Variants in PTPRN2 observed in about 807,000 individuals in gnomAD.
PTPRN2 encodes receptor-type tyrosine-protein phosphatase N2.
In PTPRN2, 74 loss-of-function variants were observed where a neutral mutation model predicts 118.8. That is an observed-to-expected ratio of 0.62 (90% CI 0.52 to 0.76). The LOEUF (loss-of-function observed/expected upper bound fraction) is 0.76. Ranked by LOEUF, PTPRN2 falls within the 30% of genes least tolerant of loss-of-function variation. The pLI is 0.00. For synonymous variants in PTPRN2, 641 were observed against 608.0 expected, an observed-to-expected ratio of 1.05 and a Z score of -0.80; for missense variants, 1,481 against 1,394.4, an observed-to-expected ratio of 1.06 and a Z score of -0.99.
chr7:157,586,767 C>A lies in PTPRN2; in HGVS notation c.2496+8471G>T, dbSNP rs62476775. Among the ~76,000 whole-genome samples, 264 of 152,322 alleles carry A rather than the reference C, an allele frequency of 1.7e-3. 1 individual carries two copies. Among genetic ancestry groups the A allele is most frequent in the East Asian group, 0.01 (53 of 5,180 alleles). On this transcript the variant is annotated intron_variant, in intron 17 of 22. Transcript: ENST00000389418. ...GATGCTCAGGGTCCCCGCTGTTGGA[C>A]ACTCGGTCTGTCCGGGACACTCAGG...
chr7:157,662,651 T>C (rs1795948274), intron 13 of PTPRN2, among the ~76,000 whole-genome samples: 1 of 152,096 alleles, frequency 6.6e-6, no homozygotes, highest in Non-Finnish European at 1.5e-5. Flanking sequence ...GCATGGGGCC[T>C]GGAGGTGCGT....
Position 157,642,895 on chromosome 7 carries a change from A to G in PTPRN2, c.2196+13462T>C, listed in dbSNP as rs546635482. Reference sequence around the variant, plus strand: ...CAGTGGGTGCCATTTACCTAAGCCAATCGCCCCGGCAGCCAAAGGCCAAGC... The same window carrying G: ...CAGTGGGTGCCATTTACCTAAGCCAGTCGCCCCGGCAGCCAAAGGCCAAGC... On this transcript the variant is annotated intron_variant, in intron 14 of 22. Transcript: ENST00000389418. Among the ~76,000 whole-genome samples the G allele has an allele frequency of 4.0e-5, 6 of 150,294 alleles. No individual in the cohort carries two copies. In the South Asian group the frequency reaches 8.5e-4, roughly 21 times the overall value.
rs187669957 is a variant in PTPRN2 at position 158,432,275 on chromosome 7, G to T, written c.163+57460C>A. 2.9e-3 allele frequency among the ~76,000 whole-genome samples: 449 copies of T among 152,364 alleles called. 11 individuals carry two copies. The highest frequency in any genetic ancestry group is 0.028 in the Admixed American group (435 of 15,304). On this transcript the variant is annotated intron_variant, in intron 2 of 22. Transcript: ENST00000389418. The stretch of plus-strand genomic sequence containing the variant: ...TGAGGAGCGGCGGGGCCTTGAGCCA[G>T]GGCGAAAGCACCGGGCGCTCCAGGA...
At chr7:158,112,744 T>C (rs1446812015) in intron 9 of PTPRN2, among the ~76,000 whole-genome samples, 1 of 151,478 alleles carries the variant, frequency 6.6e-6, no homozygotes, top group Non-Finnish European at 1.5e-5. Flanking sequence ...GCATCCAGGC[T>C]GGGTGCTGAG....
At chr7:157,725,456 G>A (rs1360952708) in intron 12 of PTPRN2, among the ~76,000 whole-genome samples, 2 of 86,544 alleles carry the variant, frequency 2.3e-5, no homozygotes, top group East Asian at 2.7e-4. Context: ...ATATCCACAT[G>A]CAGAGGAGTG....
intron 12 of PTPRN2, among the ~76,000 whole-genome samples, chr7:157,796,388 C>T (rs759792738): frequency 6.6e-6 from 1 of 152,198 alleles, no homozygotes; most frequent in African/African-American, 2.4e-5. Context: ...CTCATCTACA[C>T]CCAATCCTAG....
intron 2 of PTPRN2, among the ~76,000 whole-genome samples, chr7:158,475,568 A>C (rs1820195940): frequency 6.6e-6 from 1 of 150,596 alleles, no homozygotes; most frequent in Non-Finnish European, 1.5e-5. Context: ...GCCCGCCTCC[A>C]CCCCCAGCTG....
At chr7:158,287,322 T>C (rs1799831575) in intron 3 of PTPRN2, among the ~76,000 whole-genome samples, 1 of 152,072 alleles carries the variant, frequency 6.6e-6, no homozygotes, top group Non-Finnish European at 1.5e-5. Flanking sequence ...TTCGATGTAA[T>C]CTCTTTCTGT....
At chr7:157,672,038 G>A (rs1796441985) in intron 13 of PTPRN2, among the ~76,000 whole-genome samples, 1 of 152,098 alleles carries the variant, frequency 6.6e-6, no homozygotes, top group South Asian at 2.1e-4. Context: ...ACTTTGCAGA[G>A]GGTGCTGGGA....
intron 3 of PTPRN2, among the ~76,000 whole-genome samples, chr7:158,289,884 T>G (rs1439382506): frequency 6.6e-6 from 1 of 152,194 alleles, no homozygotes; most frequent in African/African-American, 2.4e-5. Flanking sequence ...GCTCCATAGG[T>G]AGGCTTGCTA....
intron 1 of PTPRN2, among the ~76,000 whole-genome samples, chr7:158,550,761 A>C (rs766773204): frequency 2.0e-5 from 3 of 152,180 alleles, no homozygotes; most frequent in Non-Finnish European, 4.4e-5. Context: ...CTGGGACCTG[A>C]CTTCCTACTA....
chr7:158,132,567 C>T (rs1465956203), intron 9 of PTPRN2, among the ~76,000 whole-genome samples: 1 of 135,300 alleles, frequency 7.4e-6, no homozygotes, highest in African/African-American at 2.9e-5. Flanking sequence ...GACATCTATC[C>T]AACACTCATA....
intron 11 of PTPRN2, among the ~76,000 whole-genome samples, chr7:158,049,245 G>A (rs1273855073): frequency 1.6e-5 from 1 of 60,840 alleles, no homozygotes; most frequent in African/African-American, 6.0e-5. Context: ...CATCTGACTG[G>A]TGGCCCTGGA....
chr7:158,063,021 C>A lies in PTPRN2; in HGVS notation c.1723+18277G>T, dbSNP rs923620166. Among the ~76,000 whole-genome samples the A allele has an allele frequency of 1.4e-4, 21 of 152,236 alleles. 1 individual carries two copies. Among genetic ancestry groups the A allele is most frequent in the Admixed American group, 1.3e-3 (20 of 15,288 alleles). Reference sequence around the variant, plus strand: ...CTGGTGCAGGATCCACTAGGTGAAGCCAGTTGGGCTCCTGAGTCTAGTGAG... The same window carrying A: ...CTGGTGCAGGATCCACTAGGTGAAGACAGTTGGGCTCCTGAGTCTAGTGAG... On this transcript the variant is annotated intron_variant, in intron 11 of 22. Coordinates refer to ENST00000389418, the MANE Select transcript of PTPRN2 (RefSeq NM_002847.5).
chr7:158,244,278 G>A (rs1796061641), intron 3 of PTPRN2, among the ~76,000 whole-genome samples: 1 of 152,204 alleles, frequency 6.6e-6, no homozygotes, highest in African/African-American at 2.4e-5. Context: ...ATGCTTCAGA[G>A]GGGGTAGTAG....
intron 2 of PTPRN2, among the ~76,000 whole-genome samples, chr7:158,432,518 C>T (rs1039230767): frequency 3.3e-5 from 5 of 152,238 alleles, no homozygotes; most frequent in East Asian, 3.8e-4. Flanking sequence ...ATCACTTAAA[C>T]GCCTGCAGCC....
chr7:157,657,967 AC>A (rs1795677224), intron 13 of PTPRN2, among the ~76,000 whole-genome samples: 1 of 4,690 alleles, frequency 2.1e-4, no homozygotes, highest in South Asian at 2.8e-3. Flanking sequence ...TGTAACAGAC[AC>A]ACACACACCA....
At chr7:158,325,075 AG>A (rs1177169434) in intron 2 of PTPRN2, among the ~76,000 whole-genome samples, 1 of 151,632 alleles carries the variant, frequency 6.6e-6, no homozygotes, top group Non-Finnish European at 1.5e-5. Flanking sequence ...AGAGATCCAC[AG>A]GGGGTCCCCC....
Position 158,523,528 on chromosome 7 carries a change from A to AGTCTGCCCTGAAGCG in PTPRN2, c.113-33744_113-33743insCGCTTCAGGGCAGAC, listed in dbSNP as rs1563392751. Among the ~76,000 whole-genome samples the AGTCTGCCCTGAAGCG allele has an allele frequency of 3.6e-4, 16 of 44,312 alleles. 6 individuals carry two copies. The highest frequency in any genetic ancestry group is 5.2e-4 in the Non-Finnish European group (12 of 22,954). The allele number at this position is 44,312 out of a possible 152,430, so 29.1% of individuals were successfully genotyped here. On this transcript the variant is annotated intron_variant, in intron 1 of 22. Transcript: ENST00000389418. Reference sequence around the variant, plus strand: ...GGAGTGGAGTCGTCTGCCCTGGAGCAGAGTCTGCCCTGGAATGGAGTCCTC... The same window carrying AGTCTGCCCTGAAGCG: ...GGAGTGGAGTCGTCTGCCCTGGAGCAGTCTGCCCTGAAGCGGAGTCTGCCCTGGAATGGAGTCCTC...
Sources: gnomAD v4.1 joint callset for allele counts (sites outside exome capture counted in the v4.1 genomes callset) on GRCh38, gnomAD v4.1.1 for gene constraint, MANE v1.5 for transcripts, NCBI Gene and HGNC (gene_info 2026-07-23, HGNC 2026-07-21) for gene names.